BRWD3: variants seen among roughly 807,000 people sequenced by gnomAD.
BRWD3 encodes the protein bromodomain and WD repeat-containing protein 3.
In BRWD3, 10 loss-of-function variants were observed where a neutral mutation model predicts 149.7. That is an observed-to-expected ratio of 0.07 (90% CI 0.04 to 0.11). The LOEUF is 0.11. Ranked by LOEUF, BRWD3 falls within the 10% of genes least tolerant of loss-of-function variation. BRWD3 has a pLI of 1.00. For missense variants in BRWD3, 940 were observed against 1,373.2 expected (o/e 0.68, Z 4.99); for synonymous variants, 504 against 456.7 (o/e 1.10, Z -1.32).
At position 80,716,066 on chromosome X, in the gene BRWD3, C is replaced by A. The variant is rs1403618050; in HGVS notation, c.2325+91G>T. 10 of 722,198 alleles carry A rather than the reference C, an allele frequency of 1.4e-5. No homozygotes were observed. In the East Asian group the frequency reaches 2.9e-4, roughly 21 times the overall value. 59.5% of individuals were successfully genotyped at this position (722,198 alleles called of 1,213,427 possible). A position where few individuals can be genotyped will look rare whatever the true frequency, so the allele number is the denominator to read the frequency against. On this transcript the variant is annotated intron_variant, in intron 20 of 40. Transcript: ENST00000373275. Reference sequence around the variant, plus strand: ...ATATGCAGATACCTATTAAAATAGTCTCTTAACACACAACTGCTGCCTCTC... The same window carrying A: ...ATATGCAGATACCTATTAAAATAGTATCTTAACACACAACTGCTGCCTCTC...
chrX:80,689,649 C>T (rs2072584644), intron 33 of BRWD3, 119 bp downstream of exon 33: 1 of 602,222 alleles, frequency 1.7e-6, no homozygotes, highest in African/African-American at 2.2e-5. Flanking sequence ...CGCTGGTATT[C>T]AGCCAGATTT....
At chrX:80,686,207 T>A (rs770958698) in intron 35 of BRWD3, among the ~76,000 whole-genome samples, 78 of 99,699 alleles carry the variant, frequency 7.8e-4, no homozygotes, top group African/African-American at 2.7e-3. Flanking sequence ...TAGGTGGGAA[T>A]TGAACAATGA....
intron 6 of BRWD3, among the ~76,000 whole-genome samples, chrX:80,784,940 T>C (rs2074093836): frequency 8.9e-6 from 1 of 111,989 alleles, no homozygotes; most frequent in Non-Finnish European, 1.9e-5. Context: ...TTTCTGGTTC[T>C]AGAACCTTGA....
rs201368659 is a variant in BRWD3, at chrX:80,801,666, C to T, written c.180+6873G>A. ...GACCAGCCTGACCAACATGGTGAAA[C>T]CCCACGTCTACTAAAAATACAAAAA... On this transcript the variant is annotated intron_variant, in intron 4 of 40. Transcript: ENST00000373275. Among the ~76,000 whole-genome samples, 6 of 108,535 alleles carry T rather than the reference C, an allele frequency of 5.5e-5. No individual in the cohort carries two copies. The East Asian group carries it at 1.5e-3, about 27-fold the overall frequency. The allele number at this position is 108,535 out of a possible 115,157, so 94.2% of individuals were successfully genotyped here.
chrX:80,687,956 A>T, intron 34 of BRWD3, 113 bp downstream of exon 34: 1 of 582,597 alleles, frequency 1.7e-6, no homozygotes, highest in Non-Finnish European at 3.0e-6. Flanking sequence ...TACCTAATAT[A>T]CTTAGTTGCA....
chrX:80,691,766 C>T, intron 30 of BRWD3, 57 bp downstream of exon 30: 3 of 1,187,446 alleles, frequency 2.5e-6, no homozygotes, highest in Non-Finnish European at 3.4e-6. Flanking sequence ...CTTAAAACTT[C>T]TGCTGATTTT....
At chrX:80,760,039 A>G (rs1020962193) in intron 6 of BRWD3, among the ~76,000 whole-genome samples, 4 of 111,973 alleles carry the variant, frequency 3.6e-5, no homozygotes, top group Admixed American at 9.5e-5. Context: ...CTCTTACTAT[A>G]TATTAAACAC....
intron 17 of BRWD3, among the ~76,000 whole-genome samples, chrX:80,722,000 A>C (rs764504049): frequency 1.6e-3 from 173 of 111,144 alleles, no homozygotes; most frequent in African/African-American, 5.6e-3. Flanking sequence ...CCGTGCACCA[A>C]CACCCCCAGC....
intron 40 of BRWD3, among the ~76,000 whole-genome samples, chrX:80,680,336 T>C (rs2072426913): frequency 2.7e-5 from 3 of 112,191 alleles, no homozygotes; most frequent in Admixed American, 1.9e-4. Context: ...TAGACGCACA[T>C]AATGAATTAG....
Position 80,749,673 on chromosome X carries a change from A to T in BRWD3, c.431-3944T>A, listed in dbSNP as rs1433270721. Reference sequence around the variant, plus strand: ...TCAAAAATGTCCATTCTACCCAACAACATTTACAGATCTAATGCAATCTCT... The same window carrying T: ...TCAAAAATGTCCATTCTACCCAACATCATTTACAGATCTAATGCAATCTCT... On this transcript the variant is annotated intron_variant, in intron 6 of 40. Coordinates refer to ENST00000373275, the MANE Select transcript of BRWD3 (RefSeq NM_153252.5). Among the ~76,000 whole-genome samples, 4 of 110,811 alleles carry T rather than the reference A, an allele frequency of 3.6e-5. No homozygotes were observed. The East Asian group carries it at 8.5e-4, about 24-fold the overall frequency.
intron 40 of BRWD3, among the ~76,000 whole-genome samples, chrX:80,680,369 T>C (rs1602297168): frequency 8.9e-6 from 1 of 112,208 alleles, no homozygotes; most frequent in Middle Eastern, 4.6e-3. Context: ...TTTTAAGCAG[T>C]GAACATTTTT....
At chrX:80,788,368 T>C (rs1232144188) in intron 6 of BRWD3, among the ~76,000 whole-genome samples, 1 of 109,915 alleles carries the variant, frequency 9.1e-6, no homozygotes, top group Admixed American at 9.8e-5. Flanking sequence ...TAAAGAACTC[T>C]CAAAACTCAA....
At chrX:80,788,404 T>C (rs887244598) in intron 6 of BRWD3, among the ~76,000 whole-genome samples, 3 of 111,208 alleles carry the variant, frequency 2.7e-5, no homozygotes, top group Non-Finnish European at 3.8e-5. Flanking sequence ...AACAACTCAA[T>C]TTAAAAAATG....
chrX:80,756,976 A>T (rs1417364633), intron 6 of BRWD3, among the ~76,000 whole-genome samples: 1 of 111,676 alleles, frequency 9.0e-6, no homozygotes, highest in East Asian at 2.8e-4. Context: ...GAGCAATTTA[A>T]CTTCCCCTGT....
In BRWD3 at chrX:80,708,394, C is replaced by CT. The variant is rs749740989; in HGVS notation, c.2476-892dup. ...CTGGACAACAGAACAAGACTCTTGT[C>CT]TTTTTTTTTTTTTTTTAAAGGGTGG... On this transcript the variant is annotated intron_variant, in intron 21 of 40. Coordinates refer to ENST00000373275, the MANE Select transcript of BRWD3 (RefSeq NM_153252.5). 4.8e-3 allele frequency among the ~76,000 whole-genome samples: 255 copies of CT among 53,434 alleles called. 2 individuals carry two copies. The highest frequency in any genetic ancestry group is 0.038 in the South Asian group (37 of 978). 46.4% of individuals were successfully genotyped at this position (53,434 alleles called of 115,157 possible).
chrX:80,727,007 T>C (rs934447862), intron 14 of BRWD3, among the ~76,000 whole-genome samples: 2 of 110,574 alleles, frequency 1.8e-5, no homozygotes, highest in African/African-American at 6.6e-5. Flanking sequence ...AAAAAAACTT[T>C]GAAGCTGGGG....
In BRWD3 at chrX:80,671,805, AG is replaced by A. The variant is rs1251986460; in HGVS notation, c.*4803del. 3 of 112,112 alleles carry A rather than the reference AG, an allele frequency of 2.7e-5. No individual in the cohort carries two copies. The highest frequency in any genetic ancestry group is 9.7e-5 in the African/African-American group (3 of 30,877). 9.2% of individuals were successfully genotyped at this position (112,112 alleles called of 1,213,427 possible). A position where few individuals can be genotyped will look rare whatever the true frequency, so the allele number is the denominator to read the frequency against. On this transcript the variant is annotated 3_prime_UTR_variant, in exon 41 of 41. Transcript: ENST00000373275. The stretch of plus-strand genomic sequence containing the variant: ...TGTATGGATACCAAGAACAAAAAAA[AG>A]GTACAGTTATGTTAATACTGTGTAA...
chrX:80,688,198 C>G lies in BRWD3; in HGVS notation c.3808-73G>C, dbSNP rs773141773. On this transcript the variant is annotated intron_variant, in intron 33 of 40. Transcript: ENST00000373275. Reference sequence around the variant, plus strand: ...GTCATATAAATTAGATGGACATTTACAAATAAACGGGAAATAAAATCACAG... The same window carrying G: ...GTCATATAAATTAGATGGACATTTAGAAATAAACGGGAAATAAAATCACAG... 13 of 832,712 alleles carry G rather than the reference C, an allele frequency of 1.6e-5. No individual in the cohort carries two copies. In the South Asian group the frequency reaches 2.5e-4, roughly 16 times the overall value. 68.6% of individuals were successfully genotyped at this position (832,712 alleles called of 1,213,427 possible). A position where few individuals can be genotyped will look rare whatever the true frequency, so the allele number is the denominator to read the frequency against.
In BRWD3 at chrX:80,745,700, C is replaced by T. The variant is rs1057521476; in HGVS notation, c.460G>A (p.Gly154Ser). 8 of 1,206,041 alleles carry T rather than the reference C, an allele frequency of 6.6e-6. No homozygotes were observed. Among genetic ancestry groups the T allele is most frequent in the Non-Finnish European group, 4.5e-6 (4 of 893,124 alleles). ...VNITSARQLT[G>S]CSRFGHIFPS... ...AAAATATGACCAAAGCGACTACAGC[C>T]GGTTAATTGCCTGGCAGAGGTGATA... is the stretch of plus-strand genomic sequence containing the variant. Residue 154 changes from glycine (G) to serine (S), a missense_variant, in exon 7 of 41, where the codon GGC (glycine) becomes AGC (serine). By Grantham distance (56) the Gly-to-Ser change is moderately conservative (BLOSUM62 0). Coordinates refer to ENST00000373275, the MANE Select transcript of BRWD3 (RefSeq NM_153252.5).
Sources: allele counts gnomAD v4.1 joint callset (sites outside exome capture counted in the v4.1 genomes callset), GRCh38; gene constraint gnomAD v4.1.1; transcripts MANE v1.5; gene names NCBI Gene and HGNC (gene_info 2026-07-23, HGNC 2026-07-21).